The following ANKS1B variants were observed in gnomAD, a reference collection of about 807,000 sequenced individuals.
ANKS1B encodes the protein ankyrin repeat and sterile alpha motif domain-containing protein 1B.
Under a neutral mutation model 148.3 loss-of-function variants are expected in ANKS1B, and 36 were observed. The observed-to-expected ratio is 0.24, with a 90% CI of 0.19 to 0.32. The LOEUF is 0.32. Ranked by LOEUF, ANKS1B falls within the 10% of genes least tolerant of loss-of-function variation. The probability of loss-of-function intolerance (pLI) is 1.00; values close to 1 mark genes in which losing one functional copy is unlikely to be tolerated. For missense variants in ANKS1B, 1,157 were observed against 1,542.6 expected, an observed-to-expected ratio of 0.75 and a Z score of 4.19; for synonymous variants, 542 against 560.8, an observed-to-expected ratio of 0.97 and a Z score of 0.47.
chr12:98,751,679 C>G lies in ANKS1B; in HGVS notation c.3580-157G>C, dbSNP rs1362516303. On this transcript the variant is annotated intron_variant, in intron 25 of 26. Transcript: ENST00000683438. This position sits in a 1 kb window ranked among gnomAD's most constrained non-coding sequence, Gnocchi z 4.3. Reference sequence around the variant, plus strand: ...GTGGAAATCTACAAAGAACAGGACACTCCGGGTCCAACTTAGGGTTTACAC... The same window carrying G: ...GTGGAAATCTACAAAGAACAGGACAGTCCGGGTCCAACTTAGGGTTTACAC... 6.6e-6 allele frequency among the ~76,000 whole-genome samples: 1 copy of G among 152,198 alleles called. No individual in the cohort carries two copies. The highest frequency in any genetic ancestry group is 6.5e-5 in the Admixed American group (1 of 15,276).
chr12:99,808,473 G>A (rs2067921846), intron 3 of ANKS1B, among the ~76,000 whole-genome samples: 1 of 152,096 alleles, frequency 6.6e-6, no homozygotes, highest in African/African-American at 2.4e-5. Context: ...TCAATGAAAA[G>A]TTAAGACCTG....
At chr12:98,890,774 C>G (rs1438977399) in intron 17 of ANKS1B, among the ~76,000 whole-genome samples, 1 of 152,108 alleles carries the variant, frequency 6.6e-6, no homozygotes, top group Non-Finnish European at 1.5e-5. Context: ...GTTCTCTTGC[C>G]AAGAAAAGAG....
chr12:99,646,026 T>TAAA (rs34337860), intron 9 of ANKS1B, among the ~76,000 whole-genome samples: 25,154 of 131,558 alleles, frequency 0.19, 2,551 homozygotes, highest in Middle Eastern at 0.28. Context: ...AGAAAATCAG[T>TAAA]AAAAAAAAAA....
chr12:98,815,779 C>T (rs574443095), intron 19 of ANKS1B, among the ~76,000 whole-genome samples: 71 of 152,222 alleles, frequency 4.7e-4, no homozygotes, highest in Middle Eastern at 3.4e-3. Flanking sequence ...AAAATTTCAC[C>T]TTCCTGTCAC....
intron 14 of ANKS1B, among the ~76,000 whole-genome samples, chr12:99,226,263 T>C (rs575309288): frequency 6.6e-6 from 1 of 152,330 alleles, no homozygotes; most frequent in African/African-American, 2.4e-5. Flanking sequence ...GTTTTCTTTC[T>C]TTTATTCTTA....
intron 10 of ANKS1B, 25 bp downstream of exon 10, chr12:99,504,451 G>A: frequency 6.2e-7 from 1 of 1,605,188 alleles, no homozygotes; most frequent in Non-Finnish European, 8.5e-7. Context: ...ATTGAATCAG[G>A]CCAATTGTGA....
chr12:99,526,924 G>C (rs957682935), intron 9 of ANKS1B, among the ~76,000 whole-genome samples: 1 of 152,164 alleles, frequency 6.6e-6, no homozygotes, highest in Non-Finnish European at 1.5e-5. Flanking sequence ...CCAATGACAA[G>C]TGTCGTTATA....
At chr12:98,928,130 CA>C (rs1469590081) in intron 17 of ANKS1B, among the ~76,000 whole-genome samples, 1 of 150,602 alleles carries the variant, frequency 6.6e-6, no homozygotes, top group Admixed American at 6.6e-5. Context: ...AGAAATAAAA[CA>C]AAAGATTATA....
At chr12:99,747,026 C>A (rs1221597549) in intron 8 of ANKS1B, among the ~76,000 whole-genome samples, 4 of 151,956 alleles carry the variant, frequency 2.6e-5, no homozygotes, top group Non-Finnish European at 5.9e-5. Context: ...CTTTCATATA[C>A]CCCATATTCC....
chr12:99,617,951 T>C (rs925066114), intron 9 of ANKS1B, among the ~76,000 whole-genome samples: 1 of 152,142 alleles, frequency 6.6e-6, no homozygotes, highest in Admixed American at 6.5e-5. Flanking sequence ...TAGCCTCTCT[T>C]TTGAATTGAA....
At chr12:99,409,849 GAA>G (rs912563699) in intron 11 of ANKS1B, among the ~76,000 whole-genome samples, 47 of 152,208 alleles carry the variant, frequency 3.1e-4, no homozygotes, top group African/African-American at 1.1e-3. Context: ...GTATAAAAAA[GAA>G]AAAGTGTTTT....
At chr12:98,942,512 T>C (rs1301895967) in intron 17 of ANKS1B, among the ~76,000 whole-genome samples, 1 of 152,164 alleles carries the variant, frequency 6.6e-6, no homozygotes, top group Non-Finnish European at 1.5e-5. Flanking sequence ...ATCCTCCACC[T>C]CCTGCCAAGT....
chr12:99,143,204 G>A (rs2071614807), intron 15 of ANKS1B, among the ~76,000 whole-genome samples: 1 of 152,054 alleles, frequency 6.6e-6, no homozygotes, highest in African/African-American at 2.4e-5. Context: ...CTAAGAGAAG[G>A]TAAAAGTATA....
At chr12:99,144,804 A>G (rs934894270) in intron 15 of ANKS1B, among the ~76,000 whole-genome samples, 1 of 151,950 alleles carries the variant, frequency 6.6e-6, no homozygotes, top group Admixed American at 6.6e-5. Flanking sequence ...AGAGGAAGAG[A>G]TTTGAAACAC....
At chr12:99,110,838 A>G (rs909265665) in intron 15 of ANKS1B, among the ~76,000 whole-genome samples, 1 of 152,168 alleles carries the variant, frequency 6.6e-6, no homozygotes, top group African/African-American at 2.4e-5. Context: ...GCTGATAAAA[A>G]CTACTAAAAT....
At chr12:99,717,719 A>G (rs1329056332) in intron 8 of ANKS1B, among the ~76,000 whole-genome samples, 1 of 152,044 alleles carries the variant, frequency 6.6e-6, no homozygotes, top group Non-Finnish European at 1.5e-5. Flanking sequence ...CCGAGCTTTA[A>G]GTAACTCTCA....
At chr12:98,934,262 A>G (rs1186485367) in intron 17 of ANKS1B, among the ~76,000 whole-genome samples, 1 of 151,962 alleles carries the variant, frequency 6.6e-6, no homozygotes, top group Non-Finnish European at 1.5e-5. Flanking sequence ...ATCCTTTCCC[A>G]TTGTGTATTC....
At chr12:99,054,777 C>G (rs1445867521) in intron 16 of ANKS1B, among the ~76,000 whole-genome samples, 1 of 152,200 alleles carries the variant, frequency 6.6e-6, no homozygotes, top group African/African-American at 2.4e-5. Context: ...CTCCTGACCT[C>G]AAGTGATTCA....
chr12:99,954,755 G>T (rs1290139303), intron 1 of ANKS1B, among the ~76,000 whole-genome samples: 1 of 152,004 alleles, frequency 6.6e-6, no homozygotes, highest in African/African-American at 2.4e-5. Flanking sequence ...GTGTGTACAG[G>T]CCAGGGATGC....
Sources: gnomAD v4.1 joint callset for allele counts (sites outside exome capture counted in the v4.1 genomes callset) on GRCh38, gnomAD v4.1.1 for gene constraint, Gnocchi (gnomAD v3.1) non-coding constraint, MANE v1.5 for transcripts, NCBI Gene and HGNC (gene_info 2026-07-23, HGNC 2026-07-21) for gene names.